B3GAT2: variants seen among roughly 807,000 people sequenced by gnomAD.
B3GAT2 encodes beta-1,3-glucuronyltransferase 2.
Under a neutral mutation model 27.8 loss-of-function variants are expected in B3GAT2, and 26 were observed. The observed-to-expected ratio is 0.93, with a 90% CI of 0.68 to 1.30. The LOEUF is 1.30. B3GAT2 is among the 50% of genes most tolerant of loss of function. The pLI is 0.00. For missense variants in B3GAT2, 458 were observed against 459.0 expected, an observed-to-expected ratio of 1.00 and a Z score of 0.02; for synonymous variants, 218 against 195.1, an observed-to-expected ratio of 1.12 and a Z score of -0.98.
intron 1 of B3GAT2, among the ~76,000 whole-genome samples, chr6:70,951,897 G>A (rs1765583332): frequency 1.3e-5 from 2 of 152,012 alleles, no homozygotes; most frequent in African/African-American, 2.4e-5. Context: ...AAATCTTCTA[G>A]GTTCCTTCAC....
chr6:70,915,345 T>C (rs1467239002), intron 1 of B3GAT2, among the ~76,000 whole-genome samples: 1 of 151,256 alleles, frequency 6.6e-6, no homozygotes, highest in Non-Finnish European at 1.5e-5. Flanking sequence ...TTTTCTCCCA[T>C]TCTGTAGGTT....
chr6:70,894,026 T>C (rs1772335450), intron 2 of B3GAT2, 102 bp downstream of exon 2: 1 of 1,295,696 alleles, frequency 7.7e-7, no homozygotes, highest in African/African-American at 1.5e-5. Context: ...TAGGGTTTTA[T>C]CCAAATTTGT....
intron 1 of B3GAT2, among the ~76,000 whole-genome samples, chr6:70,908,910 T>C (rs144868929): frequency 2.7e-3 from 407 of 152,300 alleles, no homozygotes; most frequent in Non-Finnish European, 4.6e-3. Flanking sequence ...TTTAAGATCA[T>C]AGAAGTAATT....
intron 1 of B3GAT2, among the ~76,000 whole-genome samples, chr6:70,922,416 A>G (rs1329244788): frequency 6.6e-6 from 1 of 152,174 alleles, no homozygotes; most frequent in African/African-American, 2.4e-5. Flanking sequence ...TGTACATGCA[A>G]CATGCACCAG....
chr6:70,907,686 CTA>C (rs1182452964), intron 1 of B3GAT2, among the ~76,000 whole-genome samples: 1 of 152,204 alleles, frequency 6.6e-6, no homozygotes, highest in East Asian at 1.9e-4. Context: ...TAAAAACAAT[CTA>C]TGTGATCCAC....
At chr6:70,952,353 C>T (rs1447958280) in intron 1 of B3GAT2, among the ~76,000 whole-genome samples, 5 of 151,668 alleles carry the variant, frequency 3.3e-5, no homozygotes, top group Non-Finnish European at 5.9e-5. Flanking sequence ...TTGGAAAGTG[C>T]TATTTTTTTT....
chr6:70,886,791 C>A (rs928704634), intron 2 of B3GAT2, among the ~76,000 whole-genome samples: 2 of 152,176 alleles, frequency 1.3e-5, no homozygotes, highest in African/African-American at 4.8e-5. Context: ...CCCTGCAAGT[C>A]TCTAGACTGC....
At chr6:70,867,927 T>C (rs985163861) in intron 2 of B3GAT2, among the ~76,000 whole-genome samples, 1 of 151,942 alleles carries the variant, frequency 6.6e-6, no homozygotes, top group African/African-American at 2.4e-5. Context: ...CAAATCAAAT[T>C]CAACAATAAA....
intron 2 of B3GAT2, 109 bp downstream of exon 2, chr6:70,894,019 G>C: frequency 8.2e-7 from 1 of 1,214,680 alleles, no homozygotes. Flanking sequence ...TATGATGTAG[G>C]GTTTTATCCA....
chr6:70,924,755 G>A (rs775411500), intron 1 of B3GAT2, among the ~76,000 whole-genome samples: 1 of 152,206 alleles, frequency 6.6e-6, no homozygotes, highest in South Asian at 2.1e-4. Flanking sequence ...TTAGTTTGTA[G>A]TTTAAATGAT....
At chr6:70,929,582 C>T (rs1294582637) in intron 1 of B3GAT2, among the ~76,000 whole-genome samples, 3 of 152,136 alleles carry the variant, frequency 2.0e-5, no homozygotes, top group African/African-American at 4.8e-5. Flanking sequence ...CATGAGTGAA[C>T]TCCCATTCAC....
At chr6:70,886,179 C>A (rs1772182267) in intron 2 of B3GAT2, among the ~76,000 whole-genome samples, 1 of 152,178 alleles carries the variant, frequency 6.6e-6, no homozygotes, top group Non-Finnish European at 1.5e-5. Context: ...AGTGACTTGG[C>A]TGTAGGTGGG....
intron 1 of B3GAT2, among the ~76,000 whole-genome samples, chr6:70,932,418 A>C: frequency 6.6e-6 from 1 of 152,228 alleles, no homozygotes; most frequent in Non-Finnish European, 1.5e-5. Flanking sequence ...AGATGAATGG[A>C]TAAGCAAAAT....
chr6:70,954,805 T>C (rs1765623937), intron 1 of B3GAT2, among the ~76,000 whole-genome samples: 1 of 151,348 alleles, frequency 6.6e-6, no homozygotes, highest in South Asian at 2.1e-4. Flanking sequence ...AGAAGAAAAC[T>C]GAGAAAACCC....
At chr6:70,920,362 T>C (rs1011264408) in intron 1 of B3GAT2, among the ~76,000 whole-genome samples, 1 of 152,248 alleles carries the variant, frequency 6.6e-6, no homozygotes, top group African/African-American at 2.4e-5. Context: ...GGAAATCCCC[T>C]GACCCCTTGC....
intron 1 of B3GAT2, among the ~76,000 whole-genome samples, chr6:70,924,121 A>G (rs1167798523): frequency 6.6e-6 from 1 of 152,212 alleles, no homozygotes; most frequent in East Asian, 1.9e-4. Flanking sequence ...CTTGTAACCC[A>G]TACATTTGTA....
chr6:70,902,240 T>A (rs887729248), intron 1 of B3GAT2, among the ~76,000 whole-genome samples: 3 of 152,066 alleles, frequency 2.0e-5, no homozygotes, highest in African/African-American at 7.2e-5. Flanking sequence ...CTACATATAG[T>A]CAGTCGATTT....
At chr6:70,925,184 A>G (rs1335423053) in intron 1 of B3GAT2, among the ~76,000 whole-genome samples, 1 of 152,262 alleles carries the variant, frequency 6.6e-6, no homozygotes, top group Non-Finnish European at 1.5e-5. Flanking sequence ...TCGTTACAAG[A>G]TGGCCGAAGA....
In B3GAT2 at chr6:70,859,224, T is replaced by G; in HGVS notation, c.*2439A>C. The G allele has an allele frequency of 1.4e-6, 1 of 693,434 alleles. No homozygotes were observed. The highest frequency in any genetic ancestry group is 2.4e-6 in the Non-Finnish European group (1 of 425,264). 43.0% of individuals were successfully genotyped at this position (693,434 alleles called of 1,614,324 possible). A position where few individuals can be genotyped will look rare whatever the true frequency, so the allele number is the denominator to read the frequency against. Reference sequence around the variant, plus strand: ...TACCCGCTGGGAATCTAAAAAATTGTATGTGCTAAGTGTCAGTCACATGGT... The same window carrying G: ...TACCCGCTGGGAATCTAAAAAATTGGATGTGCTAAGTGTCAGTCACATGGT... On this transcript the variant is annotated 3_prime_UTR_variant, in exon 4 of 4. Transcript: ENST00000230053.
Sources: allele counts gnomAD v4.1 joint callset (sites outside exome capture counted in the v4.1 genomes callset), GRCh38; gene constraint gnomAD v4.1.1; transcripts MANE v1.5; gene names NCBI Gene and HGNC (gene_info 2026-07-23, HGNC 2026-07-21).